Variants in WDR72 observed in about 807,000 individuals in gnomAD.
WDR72 encodes the protein WD repeat-containing protein 72.
A neutral mutation model predicts 124.2 loss-of-function variants in WDR72; 120 were observed. The ratio of observed to expected loss-of-function variants is 0.97; its 90% CI spans 0.83 to 1.12. WDR72 has a LOEUF of 1.12. Among genes scored for constraint, WDR72 ranks in the 50% most tolerant of loss-of-function variants. WDR72 has a pLI of 0.00. For synonymous variants in WDR72, 452 were observed against 441.7 expected (o/e 1.02, Z -0.29); for missense variants, 1,387 against 1,278.8 (o/e 1.08, Z -1.29).
chr15:53,528,664 T>C (rs761186061), intron 18 of WDR72, among the ~76,000 whole-genome samples: 1 of 152,044 alleles, frequency 6.6e-6, no homozygotes, highest in Non-Finnish European at 1.5e-5. Context: ...AAGTTATTAT[T>C]TCATTTAAAT....
intron 14 of WDR72, among the ~76,000 whole-genome samples, chr15:53,638,775 G>C (rs1488835405): frequency 6.6e-6 from 1 of 151,958 alleles, no homozygotes; most frequent in African/African-American, 2.4e-5. Flanking sequence ...AGGACAATGC[G>C]AGCAGATCAC....
chr15:53,728,081 A>T (rs1386625161), intron 2 of WDR72, among the ~76,000 whole-genome samples: 2 of 152,250 alleles, frequency 1.3e-5, no homozygotes, highest in Non-Finnish European at 1.5e-5. Flanking sequence ...TGATAAAGAC[A>T]TAACTGAGAC....
intron 4 of WDR72, among the ~76,000 whole-genome samples, chr15:53,716,048 G>A (rs1451378159): frequency 1.3e-5 from 2 of 152,150 alleles, no homozygotes. Context: ...ATGTTACAAT[G>A]CACATCAGCA....
At chr15:53,580,248 G>A (rs1380436341) in intron 18 of WDR72, among the ~76,000 whole-genome samples, 11 of 151,968 alleles carry the variant, frequency 7.2e-5, no homozygotes, top group African/African-American at 2.2e-4. Flanking sequence ...AATCTAAAAC[G>A]AAATAATGCA....
At chr15:53,740,121 C>A (rs2018467755) in intron 1 of WDR72, among the ~76,000 whole-genome samples, 1 of 152,098 alleles carries the variant, frequency 6.6e-6, no homozygotes. Context: ...ACACTGTCTA[C>A]CCAGTAACTA....
intron 1 of WDR72, chr15:53,756,576 T>A (rs537586414): frequency 1.2e-4 from 18 of 151,718 alleles, no homozygotes; most frequent in African/African-American, 4.1e-4. Flanking sequence ...GGGCTTTACA[T>A]TTCTCCCAGT....
At chr15:53,660,348 C>T (rs1364478678) in intron 14 of WDR72, among the ~76,000 whole-genome samples, 2 of 151,796 alleles carry the variant, frequency 1.3e-5, no homozygotes, top group African/African-American at 2.4e-5. Flanking sequence ...TGATATTTTC[C>T]AGTCTCACAA....
At position 53,645,302 on chromosome 15, in the gene WDR72, A is replaced by C. The variant is rs114669624; in HGVS notation, c.1962+20270T>G. On this transcript the variant is annotated intron_variant, in intron 14 of 19. Coordinates refer to ENST00000360509, the MANE Select transcript of WDR72 (RefSeq NM_182758.4). ...AGCTTAGAATATAAAGATAAACGAAATTGTGTTTCAGGCTTCAAGCTGGTT... is the reference window on the plus strand; with the variant it reads ...AGCTTAGAATATAAAGATAAACGAACTTGTGTTTCAGGCTTCAAGCTGGTT... 9.6e-3 allele frequency among the ~76,000 whole-genome samples: 1,467 copies of C among 152,264 alleles called. 34 individuals carry two copies. The highest frequency in any genetic ancestry group is 0.034 in the African/African-American group (1,415 of 41,562).
intron 13 of WDR72, among the ~76,000 whole-genome samples, chr15:53,677,180 A>G (rs778382370): frequency 2.9e-4 from 44 of 152,262 alleles, no homozygotes; most frequent in South Asian, 8.3e-4. Flanking sequence ...TTGGCCTCCC[A>G]AAGTGCTGGG....
At chr15:53,684,399 A>T (rs1292306607) in intron 13 of WDR72, 1 of 153,806 alleles carries the variant, frequency 6.5e-6, no homozygotes, top group Non-Finnish European at 1.4e-5. Flanking sequence ...TCACTCGGGA[A>T]GCACAAGGGG....
chr15:53,644,634 C>T (rs112003402), intron 14 of WDR72, among the ~76,000 whole-genome samples: 2,056 of 152,116 alleles, frequency 0.014, 47 homozygotes, highest in African/African-American at 0.047. Flanking sequence ...ATCCCAACAA[C>T]GTGTAAATCG....
intron 17 of WDR72, among the ~76,000 whole-genome samples, chr15:53,604,464 A>G (rs569255894): frequency 6.6e-6 from 1 of 152,350 alleles, no homozygotes; most frequent in Non-Finnish European, 1.5e-5. Flanking sequence ...CTGCAACAAA[A>G]GCAAACATTG....
intron 18 of WDR72, among the ~76,000 whole-genome samples, chr15:53,593,774 A>G (rs1216958957): frequency 1.3e-5 from 2 of 152,072 alleles, no homozygotes; most frequent in Non-Finnish European, 2.9e-5. Context: ...AAAGAAAAAA[A>G]AAAGAAAGAT....
chr15:53,650,600 T>TA lies in WDR72; in HGVS notation c.1962+14971_1962+14972insT, dbSNP rs550882093. Reference sequence around the variant, plus strand: ...CTTCCCCATCTTCATATTCTGGGCTTTTGGACCTGCTGTTCCTTATGGCAA... The same window carrying TA: ...CTTCCCCATCTTCATATTCTGGGCTTATTGGACCTGCTGTTCCTTATGGCAA... On this transcript the variant is annotated intron_variant, in intron 14 of 19. Coordinates refer to ENST00000360509, the MANE Select transcript of WDR72 (RefSeq NM_182758.4). Among the ~76,000 whole-genome samples, 86 of 152,280 alleles carry TA rather than the reference T, an allele frequency of 5.6e-4. 1 individual carries two copies. In the East Asian group the frequency reaches 0.016, roughly 28 times the overall value.
chr15:53,736,998 AACACACACACACACACACACACAC>A (rs67659814), intron 1 of WDR72, among the ~76,000 whole-genome samples: 18,499 of 141,220 alleles, frequency 0.13, 1,463 homozygotes, highest in Middle Eastern at 0.22. Context: ...GTAGATGTAA[AACACACACACACACACACACACAC>A]ACACACACAC....
In WDR72 at chr15:53,514,760, T is replaced by C. The variant is rs879711805; in HGVS notation, c.*2939A>G. 5.9e-5 allele frequency: 9 copies of C among 152,000 alleles called. No homozygotes were observed. The highest frequency in any genetic ancestry group is 3.2e-3 in the Middle Eastern group (1 of 316). 9.4% of individuals were successfully genotyped at this position (152,000 alleles called of 1,614,324 possible). A position where few individuals can be genotyped will look rare whatever the true frequency, so the allele number is the denominator to read the frequency against. ...TTTGAAGTGTTTAATAGTGCTCACATTGCTTTCTAGCACCTCTGGATGAGC... is the reference window on the plus strand; with the variant it reads ...TTTGAAGTGTTTAATAGTGCTCACACTGCTTTCTAGCACCTCTGGATGAGC... On this transcript the variant is annotated 3_prime_UTR_variant, in exon 20 of 20. Transcript: ENST00000360509.
At chr15:53,628,413 A>G (rs1199616977) in intron 14 of WDR72, among the ~76,000 whole-genome samples, 1 of 152,168 alleles carries the variant, frequency 6.6e-6, no homozygotes, top group African/African-American at 2.4e-5. Flanking sequence ...ATTAAAAAAA[A>G]GTTGACACCC....
At chr15:53,518,803 G>C (rs1019658097) in intron 19 of WDR72, among the ~76,000 whole-genome samples, 1 of 151,580 alleles carries the variant, frequency 6.6e-6, no homozygotes, top group East Asian at 1.9e-4. Flanking sequence ...TCACAGTATA[G>C]TATCCCCTGG....
chr15:53,675,104 G>C (rs1244176681), intron 13 of WDR72, among the ~76,000 whole-genome samples: 1 of 152,048 alleles, frequency 6.6e-6, no homozygotes, highest in Non-Finnish European at 1.5e-5. Flanking sequence ...TATGACTTTG[G>C]GAGGCCGAAG....
Sources: gnomAD v4.1 joint callset for allele counts (sites outside exome capture counted in the v4.1 genomes callset) on GRCh38, gnomAD v4.1.1 for gene constraint, MANE v1.5 for transcripts, NCBI Gene and HGNC (gene_info 2026-07-23, HGNC 2026-07-21) for gene names.